The following PCGF3 variants were observed in gnomAD, a reference collection of about 807,000 sequenced individuals.
The protein encoded by PCGF3 is polycomb group RING finger protein 3.
A neutral mutation model predicts 33.1 loss-of-function variants in PCGF3; 7 were observed. The ratio of observed to expected loss-of-function variants is 0.21; its 90% confidence interval spans 0.12 to 0.40. The LOEUF is 0.40. PCGF3 is among the 10% of genes least tolerant of loss of function. The probability of loss-of-function intolerance (pLI) is 1.00; values close to 1 mark genes in which losing one functional copy is unlikely to be tolerated. For synonymous variants in PCGF3, 153 were observed against 121.3 expected, an observed-to-expected ratio of 1.26 and a Z score of -1.72; for missense variants, 211 against 313.3, an observed-to-expected ratio of 0.67 and a Z score of 2.46.
At chr4:733,584 C>A in intron 3 of PCGF3, 88 bp from the exon 4 acceptor site, 3 of 1,385,930 alleles carry the variant, frequency 2.2e-6, no homozygotes, top group South Asian at 1.4e-5. Context: ...CCTGCACTGT[C>A]CTCCCTGGGG....
exon 7 of PCGF3, chr4:743,551 T>C (rs1483667569): frequency 1.2e-6 from 2 of 1,612,022 alleles, no homozygotes; most frequent in Non-Finnish European, 8.5e-7. Context: ...GGAGACCTGC[T>C]CTGCAAAACA....
intron 8 of PCGF3, among the ~76,000 whole-genome samples, chr4:748,805 G>A (rs1324282808): frequency 2.6e-5 from 4 of 152,138 alleles, no homozygotes; most frequent in Middle Eastern, 3.4e-3. Flanking sequence ...TCGTCTGCGC[G>A]GAGGCCCCTG....
intron 9 of PCGF3, among the ~76,000 whole-genome samples, chr4:763,057 G>T (rs1478295721): frequency 2.0e-5 from 3 of 152,022 alleles, no homozygotes; most frequent in African/African-American, 7.3e-5. Context: ...AGGTTGGCCG[G>T]GGATACGGAC....
intron 9 of PCGF3, among the ~76,000 whole-genome samples, chr4:764,021 G>T (rs577349234): frequency 1.3e-5 from 2 of 152,298 alleles, no homozygotes; most frequent in South Asian, 4.1e-4. Flanking sequence ...AGAACCATCC[G>T]GAGGCTGCAG....
intron 1 of PCGF3, among the ~76,000 whole-genome samples, chr4:709,923 A>G (rs4690292): frequency 0.24 from 36,424 of 152,116 alleles, 4,999 homozygotes; most frequent in South Asian, 0.36. Flanking sequence ...CTCTTTTGAC[A>G]TATCCTTTAC....
At chr4:762,180 G>A (rs993634410) in intron 9 of PCGF3, 2 of 694,640 alleles carry the variant, frequency 2.9e-6, no homozygotes, top group Non-Finnish European at 1.8e-6. Context: ...TTTGGAAAAG[G>A]ATCTTTGTAG....
At chr4:724,856 A>G (rs537364229) in intron 1 of PCGF3, among the ~76,000 whole-genome samples, 5 of 151,974 alleles carry the variant, frequency 3.3e-5, no homozygotes, top group Admixed American at 1.3e-4. Flanking sequence ...TCCCAGCTAC[A>G]TGGGAGGCTG....
intron 1 of PCGF3, among the ~76,000 whole-genome samples, chr4:716,650 A>G (rs1742861171): frequency 1.8e-5 from 2 of 113,652 alleles, no homozygotes; most frequent in Non-Finnish European, 3.4e-5. Flanking sequence ...GAGTGTGAGA[A>G]CTGGGTGTCG....
chr4:734,068 T>A lies in PCGF3; in HGVS notation c.109+279T>A, dbSNP rs551785988. On this transcript the variant is annotated intron_variant, in intron 4 of 10. Coordinates refer to ENST00000362003, the Ensembl canonical transcript of PCGF3. ...ACGGAGCAGCAAGGCCAGTAGCCGC[T>A]GTGACAGTGCTCACTGCTGGCAGTT... 3 of 1,550,750 alleles carry A rather than the reference T, an allele frequency of 1.9e-6. No individual in the cohort carries two copies. In the South Asian group the frequency reaches 3.6e-5, roughly 18 times the overall value.
intron 9 of PCGF3, chr4:761,709 T>C (rs1745069293): frequency 1.3e-5 from 13 of 985,354 alleles, no homozygotes; most frequent in Non-Finnish European, 1.6e-5. Flanking sequence ...AACGAGAAAT[T>C]CTGTGCTTTA....
chr4:734,318 C>T (rs1743744025), intron 4 of PCGF3: 2 of 1,444,042 alleles, frequency 1.4e-6, no homozygotes, highest in African/African-American at 2.9e-5. Flanking sequence ...GGCCCCATGG[C>T]TGGCGGCCCT....
chr4:729,561 G>A (rs923609583), intron 1 of PCGF3, among the ~76,000 whole-genome samples: 4 of 152,310 alleles, frequency 2.6e-5, no homozygotes, highest in African/African-American at 9.6e-5. Flanking sequence ...GAATATTCCG[G>A]AAGCCTGGCT....
chr4:766,982 AGC>A (rs1305375995), exon 11 of PCGF3: 1 of 152,334 alleles, frequency 6.6e-6, no homozygotes, highest in Non-Finnish European at 1.5e-5. Flanking sequence ...TTAGGATCAG[AGC>A]TCTCCTGGCA....
In PCGF3 at chr4:758,561, C is replaced by T. The variant is rs1404465162; in HGVS notation, c.463-2718C>T. ...TCTCCCGAGTTCTCCCTCCAGACTC[C>T]GGGTCTTTCCCCGCACGGCCCCTCC... On this transcript the variant is annotated intron_variant, in intron 8 of 10. Transcript: ENST00000362003. Among the ~76,000 whole-genome samples, 8 of 129,440 alleles carry T rather than the reference C, an allele frequency of 6.2e-5. 1 individual carries two copies. Among genetic ancestry groups the T allele is most frequent in the Non-Finnish European group, 1.3e-4 (8 of 60,864 alleles). The allele number at this position is 129,440 out of a possible 152,430, so 84.9% of individuals were successfully genotyped here.
At chr4:727,048 G>T (rs1255195517) in intron 1 of PCGF3, among the ~76,000 whole-genome samples, 1 of 152,152 alleles carries the variant, frequency 6.6e-6, no homozygotes, top group African/African-American at 2.4e-5. Context: ...GTGGGATCGT[G>T]GGCACCTGCG....
chr4:734,876 G>C, intron 4 of PCGF3, 55 bp from the exon 5 acceptor site: 1 of 1,585,108 alleles, frequency 6.3e-7, no homozygotes, highest in Middle Eastern at 1.7e-4. Flanking sequence ...CACGCCGATG[G>C]GGTGGGCGCC....
intron 3 of PCGF3, among the ~76,000 whole-genome samples, chr4:732,970 G>A (rs962952069): frequency 1.3e-5 from 2 of 152,088 alleles, no homozygotes; most frequent in Non-Finnish European, 2.9e-5. Flanking sequence ...CGAGCAGAGC[G>A]GCTGCGGCAG....
intron 1 of PCGF3, among the ~76,000 whole-genome samples, chr4:724,795 C>G (rs1743258074): frequency 6.6e-6 from 1 of 151,786 alleles, no homozygotes; most frequent in Non-Finnish European, 1.5e-5. Flanking sequence ...GAGATTCCGT[C>G]TCACACACAC....
At chr4:748,267 C>G (rs1330644488) in intron 8 of PCGF3, among the ~76,000 whole-genome samples, 1 of 151,964 alleles carries the variant, frequency 6.6e-6, no homozygotes, top group South Asian at 2.1e-4. Flanking sequence ...TGGCACCATC[C>G]CGGCTCACTG....
Sources: gnomAD v4.1 joint callset for allele counts (sites outside exome capture counted in the v4.1 genomes callset) on GRCh38, gnomAD v4.1.1 for gene constraint, MANE v1.5 for transcripts, NCBI Gene and HGNC (gene_info 2026-07-23, HGNC 2026-07-21) for gene names.